DENND4C: variants seen among roughly 807,000 people sequenced by gnomAD.
DENND4C encodes the protein DENN domain-containing protein 4C.
DENND4C carries 108 observed loss-of-function variants against 203.0 expected under a neutral mutation model. The ratio of observed to expected loss-of-function variants is 0.53; its 90% CI spans 0.46 to 0.62. The LOEUF (loss-of-function observed/expected upper bound fraction) is 0.62. Ranked by LOEUF, DENND4C falls within the 20% of genes least tolerant of loss-of-function variation. The pLI is 0.00. For missense variants in DENND4C, 2,481 were observed against 2,301.2 expected (o/e 1.08, Z -1.60); for synonymous variants, 871 against 792.4 (o/e 1.10, Z -1.67).
Position 19,334,956 on chromosome 9 carries a change from CTGA to C in DENND4C, c.2461-19_2461-17del, listed in dbSNP as rs1820108366. 6.4e-7 allele frequency: 1 copy of C among 1,568,664 alleles called. No homozygotes were observed. Among genetic ancestry groups the C allele is most frequent in the South Asian group, 1.2e-5 (1 of 84,156 alleles). On this transcript the variant is annotated intron_variant, in intron 17 of 32. Transcript: ENST00000434457. Reference sequence around the variant, plus strand: ...TAGATTAGTATACTAATTACTGACACTGATTTTTTTTTTTTGTTAGGTGTGCTA... The same window carrying C: ...TAGATTAGTATACTAATTACTGACACTTTTTTTTTTTTGTTAGGTGTGCTA...
At chr9:19,296,919 A>C (rs368893701) in intron 6 of DENND4C, among the ~76,000 whole-genome samples, 3 of 152,180 alleles carry the variant, frequency 2.0e-5, no homozygotes, top group East Asian at 3.8e-4. Flanking sequence ...GGAATGAGTT[A>C]ATTGATGTTA....
In DENND4C at chr9:19,346,772, C is replaced by T. The variant is rs1005532999; in HGVS notation, c.4003C>T (p.Pro1335Ser). ...AAGCCTACCTTTAGATCATGGTTCACCAGCACAGGAAAATCCTGAAAGTGA... is the reference window on the plus strand; with the variant it reads ...AAGCCTACCTTTAGATCATGGTTCATCAGCACAGGAAAATCCTGAAAGTGA... ...RSSLPLDHGS[P>S]AQENPESEKS... Residue 1335 changes from proline to serine, a missense_variant, in exon 23 of 33, where the codon CCA (proline) becomes TCA (serine). By Grantham distance (74) the Pro-to-Ser change is moderately conservative. Transcript: ENST00000434457. The T allele has an allele frequency of 6.2e-7, 1 of 1,614,148 alleles. No individual in the cohort carries two copies. Among genetic ancestry groups the T allele is most frequent in the Non-Finnish European group, 8.5e-7 (1 of 1,180,014 alleles).
chr9:19,365,384 GAGA>G (rs935030709), intron 30 of DENND4C, among the ~76,000 whole-genome samples: 9 of 152,158 alleles, frequency 5.9e-5, no homozygotes, highest in African/African-American at 2.2e-4. Context: ...GCTGGGAATA[GAGA>G]AGATCTTCCT....
Position 19,346,575 on chromosome 9 carries a change from A to G in DENND4C, c.3806A>G (p.Glu1269Gly). ...ACAGGAGGAAAAACTCCTGATTCTGAAGATAAGTTGTTTTCTCCAGTTATT... is the reference window on the plus strand; with the variant it reads ...ACAGGAGGAAAAACTCCTGATTCTGGAGATAAGTTGTTTTCTCCAGTTATT... ...ECTGGKTPDSEDKLFSPVIAR... is the reference protein window; with the variant it reads ...ECTGGKTPDSGDKLFSPVIAR... The change falls in exon 23 of 33, where the codon GAA becomes GGA. Residue 1269 changes from glutamate (E) to glycine (G), a missense_variant. Around this residue, in one of 3 missense-constraint regions of DENND4C, gnomAD observed 2,289 missense variants for 2,113.3 expected, o/e 1.08. Transcript: ENST00000434457. 1 of 1,614,182 alleles carries G rather than the reference A, an allele frequency of 6.2e-7. No individual in the cohort carries two copies. The highest frequency in any genetic ancestry group is 8.5e-7 in the Non-Finnish European group (1 of 1,180,028).
Position 19,326,029 on chromosome 9 carries a change from A to T in DENND4C, c.1990-35A>T, listed in dbSNP as rs370499882. ...AATTTCAGAATTAGATCTTGTTTGT[A>T]TGCAAATTAATTGGGGAAAAATAAT... On this transcript the variant is annotated intron_variant, in intron 14 of 32. Transcript: ENST00000434457. 241 of 1,607,628 alleles carry T rather than the reference A, an allele frequency of 1.5e-4. No homozygotes were observed. The African/African-American group carries it at 2.5e-3, about 17-fold the overall frequency.
At chr9:19,269,458 C>A (rs903857950) in intron 1 of DENND4C, among the ~76,000 whole-genome samples, 1 of 152,170 alleles carries the variant, frequency 6.6e-6, no homozygotes, top group Non-Finnish European at 1.5e-5. Flanking sequence ...CGTGTCCGGC[C>A]CCTTGACTGT....
chr9:19,340,912 T>TCG, intron 20 of DENND4C, 80 bp from the exon 21 acceptor site: 3 of 1,202,024 alleles, frequency 2.5e-6, no homozygotes, highest in Non-Finnish European at 2.2e-6. Flanking sequence ...TGTAGATCAG[T>TCG]GGAATTTTCT....
At chr9:19,305,726 A>T (rs1839522116) in intron 10 of DENND4C, among the ~76,000 whole-genome samples, 199 bp downstream of exon 10, 1 of 152,206 alleles carries the variant, frequency 6.6e-6, no homozygotes, top group African/African-American at 2.4e-5. Flanking sequence ...CAGTATTATA[A>T]TAGTTTATAT....
At chr9:19,336,618 T>A in intron 19 of DENND4C, 68 bp from the exon 20 acceptor site, 1 of 1,478,112 alleles carries the variant, frequency 6.8e-7, no homozygotes. Context: ...GAACTGTGGG[T>A]CAATCATGTT....
In DENND4C at chr9:19,328,240, A is replaced by G. The variant is rs545033902; in HGVS notation, c.2253+78A>G. On this transcript the variant is annotated intron_variant, in intron 16 of 32. Coordinates refer to ENST00000434457, the MANE Select transcript of DENND4C (RefSeq NM_001330640.2). ...TGTGATATGCAGCTCATAGTTTAGA[A>G]TGATCACCCACAACAACCATTTGAA... The G allele has an allele frequency of 6.8e-6, 9 of 1,329,854 alleles. No homozygotes were observed. The African/African-American group carries it at 1.1e-4, about 16-fold the overall frequency. 82.4% of individuals were successfully genotyped at this position (1,329,854 alleles called of 1,614,324 possible). A position where few individuals can be genotyped will look rare whatever the true frequency, so the allele number is the denominator to read the frequency against.
Position 19,358,213 on chromosome 9 carries a change from A to G in DENND4C, c.5160+53A>G. The G allele has an allele frequency of 7.3e-7, 1 of 1,375,628 alleles. No homozygotes were observed. The highest frequency in any genetic ancestry group is 2.3e-5 in the East Asian group (1 of 42,928). The allele number at this position is 1,375,628 out of a possible 1,614,324, so 85.2% of individuals were successfully genotyped here. ...ATACTGCATACACACCTAAGTATAT[A>G]GTAGAACATTATAAATTCTTCTGTA... On this transcript the variant is annotated intron_variant, in intron 28 of 32. Transcript: ENST00000434457. The surrounding 1 kb of genome is among the most constrained non-coding windows in gnomAD (Gnocchi z 4.8).
chr9:19,356,578 A>T (rs570066286), intron 26 of DENND4C, among the ~76,000 whole-genome samples: 70 of 152,168 alleles, frequency 4.6e-4, no homozygotes, highest in Non-Finnish European at 7.9e-4. Context: ...ATAGGTTAAT[A>T]TATCTTAAAG....
At chr9:19,250,259 A>G (rs1346476633) in intron 1 of DENND4C, among the ~76,000 whole-genome samples, 1 of 152,080 alleles carries the variant, frequency 6.6e-6, no homozygotes, top group Non-Finnish European at 1.5e-5. Flanking sequence ...CCTGACCAAT[A>G]TGGTGAAACC....
chr9:19,327,319 G>C (rs1818033941), intron 15 of DENND4C, among the ~76,000 whole-genome samples: 1 of 152,024 alleles, frequency 6.6e-6, no homozygotes, highest in African/African-American at 2.4e-5. Context: ...TGCATTCAAA[G>C]AAATGCAAAC....
chr9:19,333,804 A>T (rs1322340051), intron 17 of DENND4C, among the ~76,000 whole-genome samples: 5 of 152,168 alleles, frequency 3.3e-5, no homozygotes, highest in Admixed American at 2.6e-4. Context: ...CCCTTTAAAA[A>T]TTATTTTTGG....
chr9:19,293,883 T>A (rs1836877344), intron 5 of DENND4C, among the ~76,000 whole-genome samples: 1 of 152,236 alleles, frequency 6.6e-6, no homozygotes, highest in African/African-American at 2.4e-5. Context: ...CTTTCTCTTC[T>A]GACTTGAGAC....
chr9:19,250,463 G>T (rs1044470794), intron 1 of DENND4C, among the ~76,000 whole-genome samples: 4 of 151,990 alleles, frequency 2.6e-5, no homozygotes, highest in African/African-American at 9.7e-5. Flanking sequence ...CTAATCTCAA[G>T]TGATCTGCCC....
chr9:19,283,819 T>C (rs935417298), intron 2 of DENND4C, among the ~76,000 whole-genome samples: 3 of 151,908 alleles, frequency 2.0e-5, no homozygotes, highest in Admixed American at 1.3e-4. Flanking sequence ...GGTTGCGAAC[T>C]CCCAACCTCA....
chr9:19,331,364 G>A (rs545753144), intron 16 of DENND4C, among the ~76,000 whole-genome samples: 1 of 151,822 alleles, frequency 6.6e-6, no homozygotes. Flanking sequence ...CACCATGCGC[G>A]GCTAATTTTT....
Sources: allele counts gnomAD v4.1 joint callset (sites outside exome capture counted in the v4.1 genomes callset), GRCh38; gene constraint gnomAD v4.1.1; regional missense constraint gnomAD v4.1.1; non-coding constraint Gnocchi (gnomAD v3.1); transcripts MANE v1.5; gene names NCBI Gene and HGNC (gene_info 2026-07-23, HGNC 2026-07-21).